Variants in BPIFB3 observed in about 807,000 individuals in gnomAD.
BPIFB3 encodes the protein BPI fold containing family B member 3, also known as BPI fold-containing family B member 3.
In BPIFB3, 49 loss-of-function variants were observed where a neutral mutation model predicts 53.1. The ratio of observed to expected loss-of-function variants is 0.92; its 90% CI spans 0.73 to 1.17. BPIFB3 has a LOEUF of 1.17. Ranked by LOEUF, BPIFB3 falls within the 50% of genes most tolerant of loss-of-function variation. BPIFB3 has a pLI of 0.00. For synonymous variants in BPIFB3, 271 were observed against 269.6 expected (o/e 1.01, Z -0.05); for missense variants, 628 against 592.5 (o/e 1.06, Z -0.62).
intron 10 of BPIFB3, among the ~76,000 whole-genome samples, chr20:33,069,235 G>A (rs969745327): frequency 5.3e-5 from 8 of 152,182 alleles, no homozygotes; most frequent in Admixed American, 2.6e-4. Flanking sequence ...GATCTCAGAC[G>A]TTGCTCCCCA....
chr20:33,065,601 AGAAG>A (rs138287230), intron 8 of BPIFB3, among the ~76,000 whole-genome samples: 21,424 of 151,072 alleles, frequency 0.14, 1,716 homozygotes, highest in African/African-American at 0.21. Context: ...AAGGAAGGAA[AGAAG>A]GAAGGAAGGA....
At chr20:33,057,205 T>C (rs1242172790) in intron 2 of BPIFB3, among the ~76,000 whole-genome samples, 1 of 152,156 alleles carries the variant, frequency 6.6e-6, no homozygotes, top group Non-Finnish European at 1.5e-5. Context: ...CCCTTTTTTT[T>C]TGAGACACAG....
At chr20:33,056,261 C>T (rs1412590733) in intron 1 of BPIFB3, among the ~76,000 whole-genome samples, 1 of 152,200 alleles carries the variant, frequency 6.6e-6, no homozygotes. Context: ...CTCAGTTTTC[C>T]CACTGGTAAA....
At chr20:33,061,429 A>G (rs1269154396) in intron 4 of BPIFB3, among the ~76,000 whole-genome samples, 1 of 152,110 alleles carries the variant, frequency 6.6e-6, no homozygotes, top group African/African-American at 2.4e-5. Flanking sequence ...CCATTGTCCT[A>G]GGCCTAAATG....
rs765820847 is a variant in BPIFB3, at chr20:33,056,632, G to A, written c.215G>A (p.Gly72Glu). ...AACCGGGGCCTCTTGGGCTCAGGAG[G>A]GCTGCTTGGAGGAGGCGGCTTGCTG... The change falls in exon 2 of 15, where the codon GGG becomes GAG. Residue 72 changes from glycine (G) to glutamate (E), a missense_variant. Transcript: ENST00000375494. 6 of 1,613,560 alleles carry A rather than the reference G, an allele frequency of 3.7e-6. No homozygotes were observed. The African/African-American group carries it at 6.7e-5, about 18-fold the overall frequency.
In BPIFB3 at chr20:33,072,791, G is replaced by T. The variant is rs1311648833; in HGVS notation, c.1399G>T (p.Glu467Ter). 3 of 1,612,224 alleles carry T rather than the reference G, an allele frequency of 1.9e-6. No homozygotes were observed. Among genetic ancestry groups the T allele is most frequent in the Non-Finnish European group, 1.7e-6 (2 of 1,178,218 alleles). ...TTCCAATTCAGTTCTGGAGATCGTAGAGGTGAGCCTTCTCTGCAGATACGG... is the reference window on the plus strand; with the variant it reads ...TTCCAATTCAGTTCTGGAGATCGTATAGGTGAGCCTTCTCTGCAGATACGG... Residue 467 changes from glutamate (E) to a stop codon, truncating the protein, a stop_gained and splice_region_variant, in exon 14 of 15, where the codon GAG becomes TAG. Coordinates refer to ENST00000375494, the Ensembl canonical transcript of BPIFB3. LOFTEE classifies it high-confidence loss of function.
intron 5 of BPIFB3, among the ~76,000 whole-genome samples, chr20:33,062,478 C>T (rs1018805066): frequency 6.6e-6 from 1 of 152,162 alleles, no homozygotes; most frequent in African/African-American, 2.4e-5. Context: ...GCAAAACTGC[C>T]CTGGGCTTGA....
rs184121316 is a variant in BPIFB3, at chr20:33,059,701, C to T, written c.387-190C>T. Among the ~76,000 whole-genome samples the T allele has an allele frequency of 1.5e-3, 225 of 152,266 alleles. 2 individuals carry two copies. The highest frequency in any genetic ancestry group is 4.9e-3 in the African/African-American group (203 of 41,556). On this transcript the variant is annotated intron_variant, in intron 3 of 14. Coordinates refer to ENST00000375494, the Ensembl canonical transcript of BPIFB3. The stretch of plus-strand genomic sequence containing the variant: ...ACTTCCATTTCGCTCTTCCTCCAGA[C>T]CCGGACCCCACCGCTCAGGCTCACC...
chr20:33,071,782 C>A (rs1980907055), intron 12 of BPIFB3, among the ~76,000 whole-genome samples: 1 of 152,210 alleles, frequency 6.6e-6, no homozygotes, highest in Admixed American at 6.5e-5. Flanking sequence ...ACCCCATAGA[C>A]TGGAGCTGGG....
chr20:33,063,389 C>T (rs1319498662), intron 5 of BPIFB3, among the ~76,000 whole-genome samples: 1 of 152,138 alleles, frequency 6.6e-6, no homozygotes, highest in Non-Finnish European at 1.5e-5. Context: ...TAATGGGGCT[C>T]TTGTAACCAA....
chr20:33,071,420 A>T lies in BPIFB3; in HGVS notation c.1260+125A>T, dbSNP rs540259161. 8.4e-5 allele frequency: 96 copies of T among 1,139,356 alleles called. 1 individual carries two copies. Among genetic ancestry groups the T allele is most frequent in the South Asian group, 5.2e-4 (33 of 63,918 alleles). 70.6% of individuals were successfully genotyped at this position (1,139,356 alleles called of 1,614,324 possible). On this transcript the variant is annotated intron_variant, in intron 12 of 14. Transcript: ENST00000375494. ...GACCTCAGGACTGGGATCCTCCCCA[A>T]TTAAGCCAGAGTGGGCAAATATCAG...
intron 8 of BPIFB3, among the ~76,000 whole-genome samples, chr20:33,065,380 G>A (rs533133132): frequency 6.6e-6 from 1 of 152,030 alleles, no homozygotes; most frequent in African/African-American, 2.4e-5. Flanking sequence ...GCATGGTGGT[G>A]CATGCCTGTG....
At chr20:33,069,151 T>G (rs1980785861) in intron 10 of BPIFB3, among the ~76,000 whole-genome samples, 178 bp downstream of exon 11, 1 of 152,040 alleles carries the variant, frequency 6.6e-6, no homozygotes, top group Non-Finnish European at 1.5e-5. Flanking sequence ...CCCAAGCCCC[T>G]GCTTCAGTTC....
At chr20:33,064,624 G>A (rs1300573349) in intron 7 of BPIFB3, 42 bp from the exon 9 acceptor site, 2 of 1,612,954 alleles carry the variant, frequency 1.2e-6, no homozygotes, top group Non-Finnish European at 1.7e-6. Flanking sequence ...AGGTGGGTGA[G>A]CACCTTAAGA....
intron 3 of BPIFB3, among the ~76,000 whole-genome samples, 177 bp from the exon 5 acceptor site, chr20:33,059,714 G>A (rs1219805790): frequency 6.6e-6 from 1 of 152,084 alleles, no homozygotes; most frequent in Non-Finnish European, 1.5e-5. Context: ...GGACCCCACC[G>A]CTCAGGCTCA....
intron 9 of BPIFB3, among the ~76,000 whole-genome samples, chr20:33,067,599 C>T (rs1980720189): frequency 6.6e-6 from 1 of 152,164 alleles, no homozygotes; most frequent in African/African-American, 2.4e-5. Flanking sequence ...AGTCCCTTGG[C>T]TAAAGGGCAT....
chr20:33,065,599 A>G (rs1168899657), intron 8 of BPIFB3, among the ~76,000 whole-genome samples: 2 of 147,960 alleles, frequency 1.4e-5, no homozygotes, highest in Non-Finnish European at 3.0e-5. Flanking sequence ...GGAAGGAAGG[A>G]AAGAAGGAAG....
At chr20:33,072,509 G>C (rs1214851053) in intron 13 of BPIFB3, among the ~76,000 whole-genome samples, 2 of 152,138 alleles carry the variant, frequency 1.3e-5, no homozygotes, top group African/African-American at 4.8e-5. Context: ...TTGACACGGG[G>C]GCACCACTGA....
rs376282754 is a variant in BPIFB3, at chr20:33,071,311, G to A, written c.1260+16G>A. 6.7e-5 allele frequency: 105 copies of A among 1,557,594 alleles called. No homozygotes were observed. The highest frequency in any genetic ancestry group is 8.8e-5 in the Non-Finnish European group (101 of 1,149,592). On this transcript the variant is annotated intron_variant, in intron 12 of 14. Transcript: ENST00000375494. The stretch of plus-strand genomic sequence containing the variant: ...TGCCTTTGACGTAAGTTCCTGGGAG[G>A]GTGAGGGGCTTGGCAGTGATGAGAG...
Sources: gnomAD v4.1 joint callset for allele counts (sites outside exome capture counted in the v4.1 genomes callset) on GRCh38, gnomAD v4.1.1 for gene constraint, MANE v1.5 for transcripts, NCBI Gene and HGNC (gene_info 2026-07-23, HGNC 2026-07-21) for gene names.